Variants in RAB38 observed in about 807,000 individuals in gnomAD.
RAB38 encodes the protein ras-related protein Rab-38.
RAB38 carries 15 observed loss-of-function variants against 18.4 expected under a neutral mutation model. The observed-to-expected ratio is 0.82, with a 90% CI of 0.55 to 1.26. The LOEUF is 1.26. RAB38 is among the 50% of genes most tolerant of loss of function. The pLI is 0.00. For missense variants in RAB38, 294 were observed against 267.4 expected, an observed-to-expected ratio of 1.10 and a Z score of -0.69; for synonymous variants, 101 against 104.4, an observed-to-expected ratio of 0.97 and a Z score of 0.20.
At chr11:88,139,930 A>G (rs1355992288) in intron 2 of RAB38, among the ~76,000 whole-genome samples, 1 of 152,228 alleles carries the variant, frequency 6.6e-6, no homozygotes. Flanking sequence ...TTTGACAGCC[A>G]TTGCAGGTGG....
the RAB38 span, among the ~76,000 whole-genome samples, chr11:87,898,306 C>T: frequency 6.6e-6 from 1 of 151,554 alleles, no homozygotes; most frequent in East Asian, 2.0e-4. Context: ...TAAAACCTTT[C>T]CCTCAACCTC....
At chr11:87,815,149 CCAATT>C in the RAB38 span, 1 of 152,176 alleles carries the variant, frequency 6.6e-6, no homozygotes, top group African/African-American at 2.4e-5. Context: ...AGGCTATCCT[CCAATT>C]CATGTGAGTG....
chr11:87,829,913 G>A, the RAB38 span, among the ~76,000 whole-genome samples: 6 of 152,104 alleles, frequency 3.9e-5, no homozygotes, highest in East Asian at 1.9e-4. Context: ...TAATGATTGC[G>A]AATTTCTTGT....
the RAB38 span, among the ~76,000 whole-genome samples, chr11:87,831,267 A>T: frequency 6.6e-6 from 1 of 152,252 alleles, no homozygotes; most frequent in East Asian, 1.9e-4. Context: ...GACAAGATGC[A>T]CACACCGTAC....
the RAB38 span, among the ~76,000 whole-genome samples, chr11:87,888,026 T>G: frequency 6.6e-6 from 1 of 151,890 alleles, no homozygotes; most frequent in African/African-American, 2.4e-5. Flanking sequence ...GATTTTTTTT[T>G]CCAAGCCCCA....
Position 88,169,288 on chromosome 11 carries a change from A to G in RAB38, c.202+5895T>C, listed in dbSNP as rs147617204. On this transcript the variant is annotated intron_variant, in intron 1 of 2. Transcript: ENST00000243662. Reference sequence around the variant, plus strand: ...TGTCTAGTTTAGACTTACAAATAGCATCATTTACTACTTATCATTAAGTGG... The same window carrying G: ...TGTCTAGTTTAGACTTACAAATAGCGTCATTTACTACTTATCATTAAGTGG... 8.8e-3 allele frequency among the ~76,000 whole-genome samples: 1,342 copies of G among 152,368 alleles called. 10 individuals are homozygous for G. Among genetic ancestry groups the G allele is most frequent in the South Asian group, 0.024 (118 of 4,830 alleles).
At chr11:88,078,233 G>T in the RAB38 span, among the ~76,000 whole-genome samples, 3 of 151,974 alleles carry the variant, frequency 2.0e-5, no homozygotes, top group Non-Finnish European at 4.4e-5. Flanking sequence ...AATTAGTACA[G>T]CAACTAACGG....
chr11:88,046,704 A>G, the RAB38 span, among the ~76,000 whole-genome samples: 1 of 151,486 alleles, frequency 6.6e-6, no homozygotes, highest in East Asian at 1.9e-4. Context: ...ACAAAACACA[A>G]CTCCTTTCCT....
intron 2 of RAB38, among the ~76,000 whole-genome samples, chr11:88,128,001 T>A (rs1942724240): frequency 6.6e-6 from 1 of 152,218 alleles, no homozygotes; most frequent in Non-Finnish European, 1.5e-5. Flanking sequence ...AATTTATGAA[T>A]GAACTGTTCT....
At chr11:88,029,050 C>A in the RAB38 span, among the ~76,000 whole-genome samples, 2 of 152,034 alleles carry the variant, frequency 1.3e-5, no homozygotes, top group South Asian at 4.2e-4. Context: ...ACTCTACAAG[C>A]CAGAAGAGAG....
At chr11:88,092,343 A>AGG in the RAB38 span, among the ~76,000 whole-genome samples, 3,814 of 10,648 alleles carry the variant, frequency 0.36, 1,078 homozygotes, top group African/African-American at 0.68. Context: ...AGAGAGAGAG[A>AGG]GAGGGAGGGA....
At chr11:87,908,127 A>G in the RAB38 span, among the ~76,000 whole-genome samples, 2 of 152,030 alleles carry the variant, frequency 1.3e-5, no homozygotes, top group Non-Finnish European at 2.9e-5. Context: ...TGGTCTGGCC[A>G]TATAGCAGTT....
the RAB38 span, among the ~76,000 whole-genome samples, chr11:87,950,018 G>A: frequency 6.6e-6 from 1 of 152,082 alleles, no homozygotes; most frequent in Admixed American, 6.6e-5. Flanking sequence ...TTAATGTGTG[G>A]GAGTCTAAGT....
intron 2 of RAB38, among the ~76,000 whole-genome samples, chr11:88,132,918 A>G (rs1386305884): frequency 6.6e-6 from 1 of 152,250 alleles, no homozygotes; most frequent in African/African-American, 2.4e-5. Flanking sequence ...ATTTGATAGC[A>G]TATTATTTAG....
At chr11:88,167,460 G>A (rs373366275) in intron 1 of RAB38, 22 of 152,280 alleles carry the variant, frequency 1.4e-4, no homozygotes, top group African/African-American at 5.3e-4. Flanking sequence ...ATGATGAGGG[G>A]TATCACCACT....
chr11:88,135,687 T>A (rs772011571), intron 2 of RAB38, among the ~76,000 whole-genome samples: 1 of 152,196 alleles, frequency 6.6e-6, no homozygotes, highest in East Asian at 1.9e-4. Flanking sequence ...CCAGATGAAA[T>A]AGAATGTGAC....
At chr11:87,824,023 G>C in the RAB38 span, among the ~76,000 whole-genome samples, 1 of 152,088 alleles carries the variant, frequency 6.6e-6, no homozygotes, top group East Asian at 1.9e-4. Flanking sequence ...AAAAAATATT[G>C]AAGTTTTTGT....
chr11:88,151,096 G>C (rs553418884), intron 1 of RAB38, among the ~76,000 whole-genome samples: 1 of 152,152 alleles, frequency 6.6e-6, no homozygotes, highest in Non-Finnish European at 1.5e-5. Flanking sequence ...AATCAATTTT[G>C]CTCTGATGCT....
the RAB38 span, among the ~76,000 whole-genome samples, chr11:88,053,045 T>C: frequency 7.7e-6 from 1 of 129,848 alleles, no homozygotes; most frequent in African/African-American, 2.9e-5. Flanking sequence ...AATATATACA[T>C]ATATGGAATA....
Sources: allele counts gnomAD v4.1 joint callset (sites outside exome capture counted in the v4.1 genomes callset), GRCh38; gene constraint gnomAD v4.1.1; transcripts MANE v1.5; gene names NCBI Gene and HGNC (gene_info 2026-07-23, HGNC 2026-07-21).